FOXO3: variants seen among roughly 807,000 people sequenced by gnomAD.
The protein encoded by FOXO3 is forkhead box O3.
FOXO3 carries 4 observed loss-of-function variants against 41.9 expected under a neutral mutation model. That is an observed-to-expected ratio of 0.10 (90% CI 0.05 to 0.22). The LOEUF (loss-of-function observed/expected upper bound fraction) is 0.22. Among genes scored for constraint, FOXO3 ranks in the 10% least tolerant of loss-of-function variants. FOXO3 has a pLI of 1.00. For synonymous variants in FOXO3, 318 were observed against 389.3 expected (o/e 0.82, Z 2.16); for missense variants, 534 against 906.8 (o/e 0.59, Z 5.28).
intron 1 of FOXO3, among the ~76,000 whole-genome samples, chr6:108,616,408 G>A (rs751398288): frequency 1.3e-4 from 20 of 151,928 alleles, no homozygotes; most frequent in East Asian, 3.9e-4. Flanking sequence ...TGATCCACCC[G>A]CCTCTGCCTC....
chr6:108,605,092 A>T (rs1189431267), intron 1 of FOXO3, among the ~76,000 whole-genome samples: 1 of 152,112 alleles, frequency 6.6e-6, no homozygotes, highest in Non-Finnish European at 1.5e-5. Context: ...ACTCTTTATC[A>T]TGGGTATCCT....
chr6:108,624,110 G>A (rs975221818), intron 1 of FOXO3, among the ~76,000 whole-genome samples: 1 of 152,028 alleles, frequency 6.6e-6, no homozygotes, highest in Non-Finnish European at 1.5e-5. Flanking sequence ...TGATGTTTTC[G>A]GGATGTCCTG....
At chr6:108,649,002 A>C (rs934416324) in intron 1 of FOXO3, among the ~76,000 whole-genome samples, 2 of 106,584 alleles carry the variant, frequency 1.9e-5, no homozygotes, top group Admixed American at 2.2e-4. Flanking sequence ...GTGGGAACCT[A>C]TCTCTTAAAA....
At chr6:108,560,129 C>G (rs1236316528), upstream of FOXO3, 1 of 152,398 alleles carries the variant, frequency 6.6e-6, no homozygotes, top group African/African-American at 2.4e-5. Context: ...TGCGCGCCCC[C>G]CTTCTCGCCC....
At chr6:108,590,691 T>C (rs1014497943) in intron 1 of FOXO3, among the ~76,000 whole-genome samples, 1 of 152,154 alleles carries the variant, frequency 6.6e-6, no homozygotes, top group Non-Finnish European at 1.5e-5. Context: ...AAGTAATGGA[T>C]AGACAAAAGA....
In FOXO3 at chr6:108,665,470, T is replaced by C. The variant is rs114568615; in HGVS notation, c.*34+581T>C. On this transcript the variant is annotated intron_variant, in intron 2 of 2. Transcript: ENST00000406360. The stretch of plus-strand genomic sequence containing the variant: ...TTCTAACAGAAGCAAAATCTGTTAA[T>C]TATTCTTTATCTTAGTACTAAGCAT... 7.2e-3 allele frequency among the ~76,000 whole-genome samples: 1,104 copies of C among 152,312 alleles called. 16 individuals carry two copies. Among genetic ancestry groups the C allele is most frequent in the African/African-American group, 0.025 (1,039 of 41,568 alleles).
chr6:108,616,146 C>T (rs1777500809), intron 1 of FOXO3, among the ~76,000 whole-genome samples: 1 of 147,158 alleles, frequency 6.8e-6, no homozygotes. Flanking sequence ...TGCCATCACG[C>T]CCAACTAAGG....
intron 1 of FOXO3, among the ~76,000 whole-genome samples, chr6:108,590,186 A>C (rs1405895363): frequency 6.6e-6 from 1 of 151,304 alleles, no homozygotes; most frequent in Non-Finnish European, 1.5e-5. Flanking sequence ...GCTGGAGTGC[A>C]GTGGCATGCT....
At chr6:108,589,480 C>G (rs1288872967) in intron 1 of FOXO3, among the ~76,000 whole-genome samples, 1 of 152,254 alleles carries the variant, frequency 6.6e-6, no homozygotes, top group Non-Finnish European at 1.5e-5. Context: ...TCAGCCCTGC[C>G]ATTCCTGACT....
At chr6:108,618,422 C>G in intron 1 of FOXO3, 1 of 467,302 alleles carries the variant, frequency 2.1e-6, no homozygotes, top group Non-Finnish European at 4.0e-6. Flanking sequence ...AATTTTACTT[C>G]ATTGAGTGCT....
chr6:108,667,912 T>C (rs770229149), intron 2 of FOXO3, among the ~76,000 whole-genome samples: 1 of 152,178 alleles, frequency 6.6e-6, no homozygotes, highest in Non-Finnish European at 1.5e-5. Flanking sequence ...AGGATTTCCA[T>C]TTTTGCTTAG....
rs1778967790 is a variant in FOXO3, at chr6:108,664,035, C to G, written c.1202C>G (p.Pro401Arg). Residue 401 changes from proline to arginine, a missense_variant, in exon 2 of 3, where the codon CCA becomes CGA. By Grantham distance (103) the Pro-to-Arg change is moderately radical (BLOSUM62 -2). Transcript: ENST00000406360. Reference sequence around the variant, plus strand: ...AACATCACGCTCCCGCCATCCCAGCCATCGCCCACTGGGGGACTCATGCAG... The same window carrying G: ...AACATCACGCTCCCGCCATCCCAGCGATCGCCCACTGGGGGACTCATGCAG... ...LDNITLPPSQPSPTGGLMQRS... is the reference protein window; with the variant it reads ...LDNITLPPSQRSPTGGLMQRS... 6.2e-7 allele frequency: 1 copy of G among 1,614,084 alleles called. No homozygotes were observed. Among genetic ancestry groups the G allele is most frequent in the Non-Finnish European group, 8.5e-7 (1 of 1,180,042 alleles).
intron 1 of FOXO3, among the ~76,000 whole-genome samples, chr6:108,641,718 C>G (rs1374892413): frequency 6.6e-6 from 1 of 152,008 alleles, no homozygotes; most frequent in Non-Finnish European, 1.5e-5. Context: ...TACCTGAACA[C>G]CCCTTAAAAT....
intron 1 of FOXO3, among the ~76,000 whole-genome samples, chr6:108,587,763 C>G (rs947709851): frequency 2.0e-5 from 3 of 152,228 alleles, no homozygotes; most frequent in Admixed American, 1.3e-4. Flanking sequence ...TCTGTACTTA[C>G]TTGACTTCCC....
chr6:108,675,341 C>T (rs1770542659), intron 2 of FOXO3, among the ~76,000 whole-genome samples: 1 of 152,162 alleles, frequency 6.6e-6, no homozygotes, highest in African/African-American at 2.4e-5. Flanking sequence ...GGGCAGTCCA[C>T]TCCAGGTCTA....
intron 2 of FOXO3, among the ~76,000 whole-genome samples, chr6:108,678,493 C>T (rs373705488): frequency 7.0e-6 from 1 of 143,652 alleles, no homozygotes; most frequent in Non-Finnish European, 1.5e-5. Flanking sequence ...TATGAATATA[C>T]TTTTTTTTTT....
rs1775779984 is a variant in FOXO3 at position 108,561,375 on chromosome 6, T to A, written c.167T>A (p.Met56Lys). The A allele has an allele frequency of 2.6e-6, 4 of 1,556,762 alleles. No homozygotes were observed. In the East Asian group the frequency reaches 7.2e-5, roughly 28 times the overall value. Residue 56 changes from methionine to lysine, a missense_variant, in exon 1 of 3, where the codon ATG (methionine) becomes AAG (lysine). This residue lies in a region of FOXO3 where 139 missense variants were observed against 163.7 expected (regional missense o/e 0.85). Transcript: ENST00000406360. Reference protein sequence around the residue: ...KPSGETAADSMIPEEEDDEDD... With the variant: ...KPSGETAADSKIPEEEDDEDD... The stretch of plus-strand genomic sequence containing the variant: ...TCGGGGGAGACGGCCGCCGACTCCA[T>A]GATCCCCGAGGAGGAGGACGATGAA...
intron 1 of FOXO3, among the ~76,000 whole-genome samples, chr6:108,652,210 A>G (rs1778564559): frequency 2.6e-5 from 4 of 152,216 alleles, no homozygotes; most frequent in Admixed American, 2.6e-4. Context: ...AGTTCAGTTT[A>G]TGGCTATAGT....
chr6:108,658,605 T>G (rs1778756202), intron 1 of FOXO3, among the ~76,000 whole-genome samples: 1 of 152,024 alleles, frequency 6.6e-6, no homozygotes. Context: ...TGGAGTGCAG[T>G]GGAGATGGGG....
Sources: gnomAD v4.1 joint callset for allele counts (sites outside exome capture counted in the v4.1 genomes callset) on GRCh38, gnomAD v4.1.1 for gene constraint, gnomAD v4.1.1 regional missense constraint, MANE v1.5 for transcripts, NCBI Gene and HGNC (gene_info 2026-07-23, HGNC 2026-07-21) for gene names.